CAPZA2: variants seen among roughly 807,000 people sequenced by gnomAD.
CAPZA2 encodes the protein F-actin-capping protein subunit alpha-2.
A neutral mutation model predicts 44.0 loss-of-function variants in CAPZA2; 13 were observed. That is an observed-to-expected ratio of 0.30 (90% CI 0.19 to 0.47). The LOEUF is 0.47. Ranked by LOEUF, CAPZA2 falls within the 20% of genes least tolerant of loss-of-function variation. CAPZA2 has a pLI of 1.00. For missense variants in CAPZA2, 244 were observed against 338.6 expected (o/e 0.72, Z 2.19); for synonymous variants, 94 against 108.2 (o/e 0.87, Z 0.81).
At chr7:116,880,533 G>A (rs1796679430) in intron 1 of CAPZA2, among the ~76,000 whole-genome samples, 1 of 151,724 alleles carries the variant, frequency 6.6e-6, no homozygotes, top group Non-Finnish European at 1.5e-5. Flanking sequence ...AAGTAGCTGG[G>A]ATTACAGGCA....
In CAPZA2 at chr7:116,919,330, A is replaced by AT. The variant is rs1791730530; in HGVS notation, c.*1464dup. 1 of 152,510 alleles carries AT rather than the reference A, an allele frequency of 6.6e-6. No individual in the cohort carries two copies. The highest frequency in any genetic ancestry group is 1.5e-5 in the Non-Finnish European group (1 of 68,028). The allele number at this position is 152,510 out of a possible 1,614,324, so 9.4% of individuals were successfully genotyped here. A position where few individuals can be genotyped will look rare whatever the true frequency, so the allele number is the denominator to read the frequency against. On this transcript the variant is annotated 3_prime_UTR_variant, in exon 10 of 10. Transcript: ENST00000361183. Reference sequence around the variant, plus strand: ...TGGCACATTGGGATTCCTAAAGAAAATGAATTGGTAACATTAATTATCTGT... The same window carrying AT: ...TGGCACATTGGGATTCCTAAAGAAAATTGAATTGGTAACATTAATTATCTGT...
intron 9 of CAPZA2, 138 bp from the exon 10 acceptor site, chr7:116,917,587 CAA>C (rs999892575): frequency 2.3e-5 from 16 of 681,210 alleles, no homozygotes; most frequent in Non-Finnish European, 3.9e-5. Flanking sequence ...GCTTTTAAAA[CAA>C]TGTTGGGATT....
chr7:116,892,126 G>A lies in CAPZA2; in HGVS notation c.104-868G>A, dbSNP rs1295294429. Among the ~76,000 whole-genome samples, 3 of 152,204 alleles carry A rather than the reference G, an allele frequency of 2.0e-5. 1 individual carries two copies. The highest frequency in any genetic ancestry group is 4.2e-4 in the South Asian group (2 of 4,818). ...TGTATTTCCATGTTGGTAAATATAA[G>A]TGTACATTATTTTTCATGGCTGCCT... is the stretch of plus-strand genomic sequence containing the variant. On this transcript the variant is annotated intron_variant, in intron 2 of 9. Transcript: ENST00000361183.
intron 1 of CAPZA2, among the ~76,000 whole-genome samples, chr7:116,887,073 C>T (rs1425696726): frequency 6.6e-6 from 1 of 152,132 alleles, no homozygotes; most frequent in Non-Finnish European, 1.5e-5. Context: ...TTCCTTTCTC[C>T]TTTTTTTCTA....
chr7:116,919,591 C>G lies in CAPZA2; in HGVS notation c.*1724C>G, dbSNP rs1421880745. 6.6e-6 allele frequency: 1 copy of G among 151,170 alleles called. No individual in the cohort carries two copies. Among genetic ancestry groups the G allele is most frequent in the Non-Finnish European group, 1.5e-5 (1 of 68,086 alleles). The allele number at this position is 151,170 out of a possible 1,614,324, so 9.4% of individuals were successfully genotyped here. ...CAAAAATAATTTAGAACAGGCTGGG[C>G]GCGGTGGCTCACATCTGTAATCCCA... is the stretch of plus-strand genomic sequence containing the variant. On this transcript the variant is annotated 3_prime_UTR_variant, in exon 10 of 10. Coordinates refer to ENST00000361183, the MANE Select transcript of CAPZA2 (RefSeq NM_006136.3).
intron 1 of CAPZA2, among the ~76,000 whole-genome samples, chr7:116,886,950 CTT>C (rs1796769519): frequency 6.6e-6 from 1 of 152,204 alleles, no homozygotes; most frequent in African/African-American, 2.4e-5. Flanking sequence ...GCTTTATTCT[CTT>C]AAAATATGCC....
intron 1 of CAPZA2, among the ~76,000 whole-genome samples, chr7:116,885,552 A>G (rs1027712633): frequency 1.3e-5 from 2 of 151,888 alleles, no homozygotes; most frequent in African/African-American, 4.8e-5. Context: ...TCCTTCCCCC[A>G]CTTCAGACAC....
At chr7:116,914,580 G>C (rs531072625) in intron 8 of CAPZA2, among the ~76,000 whole-genome samples, 111 of 152,198 alleles carry the variant, frequency 7.3e-4, no homozygotes, top group African/African-American at 2.6e-3. Flanking sequence ...TCCTGCCTCA[G>C]CCTCTCTAGT....
At chr7:116,877,266 A>G (rs1403251646) in intron 1 of CAPZA2, among the ~76,000 whole-genome samples, 1 of 152,234 alleles carries the variant, frequency 6.6e-6, no homozygotes, top group Non-Finnish European at 1.5e-5. Flanking sequence ...GAAGTTTTTA[A>G]TAGTATAATT....
At chr7:116,913,804 G>T in intron 8 of CAPZA2, among the ~76,000 whole-genome samples, 1 of 141,752 alleles carries the variant, frequency 7.1e-6, no homozygotes. Context: ...TGGTAGAGAT[G>T]GGGTTTCACC....
chr7:116,868,143 G>T lies in CAPZA2; in HGVS notation c.39+5493G>T, dbSNP rs111779403. Among the ~76,000 whole-genome samples the T allele has an allele frequency of 8.7e-4, 132 of 152,260 alleles. 1 individual carries two copies. Among genetic ancestry groups the T allele is most frequent in the African/African-American group, 3.1e-3 (128 of 41,546 alleles). On this transcript the variant is annotated intron_variant, in intron 1 of 9. Transcript: ENST00000361183. ...AATCTCAGTCATCTCTCAAGATTTA[G>T]CTTAGATTACACAGCTAGTTTAGCC...
At chr7:116,914,859 CTAA>C (rs1254861561) in intron 8 of CAPZA2, among the ~76,000 whole-genome samples, 1 of 152,230 alleles carries the variant, frequency 6.6e-6, no homozygotes, top group Non-Finnish European at 1.5e-5. Context: ...AAAAAACTTA[CTAA>C]TGTCTGATTT....
intron 1 of CAPZA2, among the ~76,000 whole-genome samples, chr7:116,865,177 CTTT>C (rs1011886318): frequency 3.4e-5 from 3 of 87,986 alleles, no homozygotes; most frequent in African/African-American, 4.4e-5. Context: ...GCGCTCTCTT[CTTT>C]TTTTTTTTTT....
chr7:116,894,187 T>A (rs1472206419), intron 3 of CAPZA2, among the ~76,000 whole-genome samples: 1 of 151,912 alleles, frequency 6.6e-6, no homozygotes, highest in African/African-American at 2.4e-5. Context: ...CATGGTGAAA[T>A]CCCGTCTCTA....
At chr7:116,883,591 C>A (rs1796725814) in intron 1 of CAPZA2, among the ~76,000 whole-genome samples, 1 of 152,184 alleles carries the variant, frequency 6.6e-6, no homozygotes, top group African/African-American at 2.4e-5. Context: ...CCTTGACCTC[C>A]CAACCCTTAG....
At chr7:116,897,084 C>G (rs947436073) in intron 3 of CAPZA2, among the ~76,000 whole-genome samples, 3 of 152,034 alleles carry the variant, frequency 2.0e-5, no homozygotes, top group African/African-American at 7.2e-5. Context: ...CCTTTATCCC[C>G]TCCTCCCAAG....
At chr7:116,909,166 A>G (rs1171444873) in intron 6 of CAPZA2, among the ~76,000 whole-genome samples, 2 of 152,138 alleles carry the variant, frequency 1.3e-5, no homozygotes, top group African/African-American at 2.4e-5. Context: ...AACTTGTACT[A>G]TCATTCTATA....
At chr7:116,891,996 A>G (rs181620282) in intron 2 of CAPZA2, among the ~76,000 whole-genome samples, 32 of 152,340 alleles carry the variant, frequency 2.1e-4, no homozygotes, top group Admixed American at 1.2e-3. Context: ...CTGTTGTTCA[A>G]ATGAATTACT....
At chr7:116,907,278 C>A (rs1220956267) in intron 6 of CAPZA2, among the ~76,000 whole-genome samples, 2 of 152,134 alleles carry the variant, frequency 1.3e-5, no homozygotes, top group African/African-American at 4.8e-5. Flanking sequence ...GAAGGAAAAT[C>A]AATGCCATAT....
Sources: gnomAD v4.1 joint callset for allele counts (sites outside exome capture counted in the v4.1 genomes callset) on GRCh38, gnomAD v4.1.1 for gene constraint, MANE v1.5 for transcripts, NCBI Gene and HGNC (gene_info 2026-07-23, HGNC 2026-07-21) for gene names.